Variants in HSF4 observed in about 807,000 individuals in gnomAD.
HSF4 encodes the protein heat shock factor protein 4.
Under a neutral mutation model 52.0 loss-of-function variants are expected in HSF4, and 41 were observed. The observed-to-expected ratio is 0.79, with a 90% CI of 0.61 to 1.02. The LOEUF (loss-of-function observed/expected upper bound fraction) is 1.02, where lower values mean the gene tolerates loss of function less well. Ranked by LOEUF, HSF4 falls within the 50% of genes least tolerant of loss-of-function variation. HSF4 has a pLI of 0.00. For missense variants in HSF4, 610 were observed against 651.1 expected, an observed-to-expected ratio of 0.94 and a Z score of 0.69; for synonymous variants, 285 against 273.0, an observed-to-expected ratio of 1.04 and a Z score of -0.43.
At chr16:67,168,219 C>T (rs112834121) in intron 9 of HSF4, among the ~76,000 whole-genome samples, 2 of 152,184 alleles carry the variant, frequency 1.3e-5, no homozygotes, top group Non-Finnish European at 2.9e-5. Flanking sequence ...TGCATGTAAT[C>T]CCAGCACTTT....
chr16:67,166,992 AC>A (rs756997150), intron 6 of HSF4, 127 bp from the exon 7 acceptor site: 14 of 1,279,378 alleles, frequency 1.1e-5, no homozygotes, highest in Admixed American at 3.6e-5. Context: ...TGTGACTGAC[AC>A]CCTAGCAACA....
rs1434257709 is a variant in HSF4, at chr16:67,165,768, G to A, written c.282G>A (p.Pro94=). 4 of 1,610,750 alleles carry A rather than the reference G, an allele frequency of 2.5e-6. No homozygotes were observed. Among genetic ancestry groups the A allele is most frequent in the East Asian group, 2.2e-5 (1 of 44,846 alleles). The change falls in exon 3 of 13, where the codon CCG becomes CCA. Residue 94 remains proline (P), a synonymous_variant. Transcript: ENST00000521374. The surrounding 1 kb of genome is among the most constrained non-coding windows in gnomAD (Gnocchi z 6.9). Reference sequence around the variant, plus strand: ...TCGAGCAGGGCGGCCTGCTTAGGCCGGAGCGCGACCACGTCGAGTTCCAGC... The same window carrying A: ...TCGAGCAGGGCGGCCTGCTTAGGCCAGAGCGCGACCACGTCGAGTTCCAGC... ...VSIEQGGLLR[P]ERDHVEFQHP... is the part of the protein sequence containing the mutation.
chr16:67,164,848 G>A lies in HSF4; in HGVS notation c.37G>A (p.Gly13Ser). 1.2e-6 allele frequency: 2 copies of A among 1,605,018 alleles called. No individual in the cohort carries two copies. Among genetic ancestry groups the A allele is most frequent in the Non-Finnish European group, 1.7e-6 (2 of 1,178,720 alleles). ...EAPAALPTEP[G>S]PSPVPAFLGK... is the part of the protein sequence containing the mutation. The stretch of plus-strand genomic sequence containing the variant: ...GCCAGCTGCGCTGCCCACGGAGCCA[G>A]GCCCCAGCCCCGTGCCTGCCTTCCT... Residue 13 changes from glycine (G) to serine (S), a missense_variant, in exon 1 of 13, where the codon GGC (glycine) becomes AGC (serine). By Grantham distance (56) the Gly-to-Ser change is moderately conservative. Transcript: ENST00000521374.
chr16:67,166,106 G>C (rs934456909), intron 4 of HSF4, 36 bp downstream of exon 4: 2 of 1,493,308 alleles, frequency 1.3e-6, no homozygotes, highest in Non-Finnish European at 1.8e-6. Flanking sequence ...GGACAGGGGT[G>C]GGGGGTTCGG....
At position 67,166,099 on chromosome 16, in the gene HSF4, CA is replaced by C. The variant is rs763650298; in HGVS notation, c.485+30del. On this transcript the variant is annotated intron_variant, in intron 4 of 12. Transcript: ENST00000521374. The stretch of plus-strand genomic sequence containing the variant: ...CGGGGGCGGGCGGGGAAAGAGGGGA[CA>C]GGGGTGGGGGGTTCGGGATGAGACC... 4.1e-5 allele frequency: 47 copies of C among 1,145,026 alleles called. No homozygotes were observed. In the East Asian group the frequency reaches 7.6e-4, roughly 18 times the overall value. 70.9% of individuals were successfully genotyped at this position (1,145,026 alleles called of 1,614,324 possible). A position where few individuals can be genotyped will look rare whatever the true frequency, so the allele number is the denominator to read the frequency against.
upstream of HSF4, chr16:67,163,873 C>CGG (rs5817616): frequency 1.0e-2 from 12,503 of 1,253,740 alleles, 52 homozygotes; most frequent in African/African-American, 0.038. Context: ...TGAGAGGGAA[C>CGG]GGGGGGGGTG....
Position 67,164,805 on chromosome 16 carries a change from C to T in HSF4, c.-7C>T, listed in dbSNP as rs1276959324. 1.9e-6 allele frequency: 3 copies of T among 1,596,794 alleles called. No individual in the cohort carries two copies. Among genetic ancestry groups the T allele is most frequent in the Non-Finnish European group, 2.5e-6 (3 of 1,177,796 alleles). On this transcript the variant is annotated 5_prime_UTR_variant, in exon 1 of 13. Transcript: ENST00000521374. Reference sequence around the variant, plus strand: ...GCCCGAGCGCAGAGCCGGGCCGAGACTGCACCATGCAGGAAGCGCCAGCTG... The same window carrying T: ...GCCCGAGCGCAGAGCCGGGCCGAGATTGCACCATGCAGGAAGCGCCAGCTG...
At position 67,167,128 on chromosome 16, in the gene HSF4, T is replaced by G; in HGVS notation, c.635T>G (p.Met212Arg). The G allele has an allele frequency of 6.2e-7, 1 of 1,614,156 alleles. No individual in the cohort carries two copies. Among genetic ancestry groups the G allele is most frequent in the Non-Finnish European group, 8.5e-7 (1 of 1,180,010 alleles). ...NAGGKRKLSL[M>R]LDEGSSCPTP... ...CCTGATCGACCACACAGGTCCCTGATGCTGGATGAGGGGAGCTCATGCCCA... is the reference window on the plus strand; with the variant it reads ...CCTGATCGACCACACAGGTCCCTGAGGCTGGATGAGGGGAGCTCATGCCCA... The change falls in exon 7 of 13, where the codon ATG (methionine) becomes AGG (arginine). Residue 212 changes from methionine (M) to arginine (R), a missense_variant. Physicochemically the swap from Met to Arg is moderately conservative, Grantham distance 91. Transcript: ENST00000521374.
intron 9 of HSF4, among the ~76,000 whole-genome samples, chr16:67,168,552 A>G (rs940312241): frequency 1.3e-5 from 2 of 152,092 alleles, no homozygotes; most frequent in Non-Finnish European, 2.9e-5. Flanking sequence ...AAATAAAGAA[A>G]GAAGAGAAAG....
In HSF4 at chr16:67,167,765, G is replaced by T; in HGVS notation, c.900G>T (p.Gly300=). The T allele has an allele frequency of 6.2e-7, 1 of 1,605,056 alleles. No homozygotes were observed. Among genetic ancestry groups the T allele is most frequent in the East Asian group, 2.2e-5 (1 of 44,552 alleles). Residue 300 remains glycine, a synonymous_variant, in exon 9 of 13, where the codon GGG becomes GGT. Transcript: ENST00000521374. ...ALLKEEPASP[G]GDGEAGLALA... The stretch of plus-strand genomic sequence containing the variant: ...TCAAAGAAGAGCCGGCCAGTCCAGG[G>T]GGGGATGGCGAGGCCGGGCTGGCCC...
rs997549511 is a variant in HSF4 at position 67,168,867 on chromosome 16, A to G, written c.1119A>G (p.Pro373=). 3.1e-6 allele frequency: 5 copies of G among 1,613,894 alleles called. No homozygotes were observed. Among genetic ancestry groups the G allele is most frequent in the Admixed American group, 1.7e-5 (1 of 60,002 alleles). Residue 373 remains proline (P), a synonymous_variant, in exon 10 of 13, where the codon CCA becomes CCG. Coordinates refer to ENST00000521374, the MANE Select transcript of HSF4 (RefSeq NM_001374675.1). ...GCCTGGAAAGCGGGGACAGGAGCCCAGAGAGTCTGCTGCCTCCGATGCTGC... is the reference window on the plus strand; with the variant it reads ...GCCTGGAAAGCGGGGACAGGAGCCCGGAGAGTCTGCTGCCTCCGATGCTGC... ...PLGLESGDRS[P]ESLLPPMLLQ...
In HSF4 at chr16:67,166,629, G is replaced by A; in HGVS notation, c.626+7G>A. 5.6e-6 allele frequency: 9 copies of A among 1,613,618 alleles called. No homozygotes were observed. Among genetic ancestry groups the A allele is most frequent in the Non-Finnish European group, 7.6e-6 (9 of 1,179,870 alleles). On this transcript the variant is annotated splice_region_variant and intron_variant, in intron 6 of 12. Transcript: ENST00000521374. ...CAGGAGGCAAGAGAAAGCTGTGAGT[G>A]AGAAAGCCAAGAAGGCCCACACCCA...
rs2031128210 is a variant in HSF4 at position 67,164,890 on chromosome 16, C to T, written c.79C>T (p.Leu27=). Residue 27 remains leucine (L), a synonymous_variant, in exon 1 of 13, where the codon CTG becomes TTG. Coordinates refer to ENST00000521374, the MANE Select transcript of HSF4 (RefSeq NM_001374675.1). The stretch of plus-strand genomic sequence containing the variant: ...TGCCTTCCTCGGCAAGCTATGGGCG[C>T]TGGTGGGGGACCCAGGCACAGACCA... ...VPAFLGKLWA[L]VGDPGTDHLI... is the part of the protein sequence containing the mutation. 1.9e-6 allele frequency: 3 copies of T among 1,608,240 alleles called. No homozygotes were observed. The highest frequency in any genetic ancestry group is 2.5e-6 in the Non-Finnish European group (3 of 1,179,178).
chr16:67,166,649 C>A, intron 6 of HSF4, 27 bp downstream of exon 6: 1 of 1,606,844 alleles, frequency 6.2e-7, no homozygotes, highest in Non-Finnish European at 8.5e-7. Flanking sequence ...AGAAGGCCCA[C>A]ACCCACTTCC....
At chr16:67,164,619 A>T (rs1450287367), upstream of HSF4, 2 of 324,106 alleles carry the variant, frequency 6.2e-6, no homozygotes, top group Non-Finnish European at 1.2e-5. Context: ...CATCCCATCC[A>T]GCCAGCCTTT....
chr16:67,168,769 GGTT>G, intron 9 of HSF4, 59 bp from the exon 10 acceptor site: 1 of 1,246,770 alleles, frequency 8.0e-7, no homozygotes, highest in East Asian at 2.3e-5. Flanking sequence ...GATGCATCTG[GGTT>G]CCTTGGGAAC....
intron 1 of HSF4, 23 bp downstream of exon 1, chr16:67,164,957 T>G: frequency 6.3e-7 from 1 of 1,584,988 alleles, no homozygotes; most frequent in Non-Finnish European, 8.5e-7. Flanking sequence ...GCCCCTCGAT[T>G]CCCCCTGTGG....
chr16:67,165,432 C>CA lies in HSF4; in HGVS notation c.124-90_124-89insA, dbSNP rs2031184369. On this transcript the variant is annotated intron_variant, in intron 1 of 12. Transcript: ENST00000521374. The surrounding 1 kb of genome is among the most constrained non-coding windows in gnomAD (Gnocchi z 6.9). ...ACCCAAGAGTGAGCATGAGTGTGTG[C>CA]GCGCGCTGGAGCGCAGGACTGGCCG... 17 of 1,179,650 alleles carry CA rather than the reference C, an allele frequency of 1.4e-5. No individual in the cohort carries two copies. Among genetic ancestry groups the CA allele is most frequent in the Non-Finnish European group, 2.2e-5 (17 of 790,276 alleles). The allele number at this position is 1,179,650 out of a possible 1,614,324, so 73.1% of individuals were successfully genotyped here.
chr16:67,166,266 G>A (rs920616056), intron 4 of HSF4, 54 bp from the exon 5 acceptor site: 47 of 1,533,552 alleles, frequency 3.1e-5, no homozygotes, highest in Non-Finnish European at 4.1e-5. Flanking sequence ...TCTGTGGGGG[G>A]TGGTGACTGG....
Sources: allele counts gnomAD v4.1 joint callset (sites outside exome capture counted in the v4.1 genomes callset), GRCh38; gene constraint gnomAD v4.1.1; non-coding constraint Gnocchi (gnomAD v3.1); transcripts MANE v1.5; gene names NCBI Gene and HGNC (gene_info 2026-07-23, HGNC 2026-07-21).